The following PDZRN4 variants were observed in gnomAD, a reference collection of about 807,000 sequenced individuals.
The protein encoded by PDZRN4 is PDZ domain-containing RING finger protein 4.
PDZRN4 carries 70 observed loss-of-function variants against 99.0 expected under a neutral mutation model. The ratio of observed to expected loss-of-function variants is 0.71; its 90% CI spans 0.58 to 0.86. The LOEUF is 0.86. Ranked by LOEUF, PDZRN4 falls within the 40% of genes least tolerant of loss-of-function variation. The pLI, the probability that PDZRN4 is intolerant of heterozygous loss-of-function variation, is 0.00. For missense variants in PDZRN4, 1,474 were observed against 1,331.2 expected, an observed-to-expected ratio of 1.11 and a Z score of -1.67; for synonymous variants, 551 against 501.6, an observed-to-expected ratio of 1.10 and a Z score of -1.32.
At chr12:41,513,456 A>T (rs934106794) in intron 5 of PDZRN4, among the ~76,000 whole-genome samples, 1 of 152,076 alleles carries the variant, frequency 6.6e-6, no homozygotes, top group African/African-American at 2.4e-5. Context: ...TGTTCTCTTT[A>T]AAAAATGATG....
At chr12:41,338,918 T>C (rs1372010201) in intron 3 of PDZRN4, among the ~76,000 whole-genome samples, 8 of 151,518 alleles carry the variant, frequency 5.3e-5, no homozygotes, top group Admixed American at 5.3e-4. Context: ...ATGTAAGAAA[T>C]CAAAGAAGGA....
At chr12:41,486,660 T>G (rs1198725478) in intron 3 of PDZRN4, among the ~76,000 whole-genome samples, 1 of 151,850 alleles carries the variant, frequency 6.6e-6, no homozygotes, top group Admixed American at 6.6e-5. Context: ...AATGGGAATG[T>G]GAATGATGAA....
At chr12:41,226,897 A>G (rs1264523757) in intron 3 of PDZRN4, among the ~76,000 whole-genome samples, 1 of 152,140 alleles carries the variant, frequency 6.6e-6, no homozygotes, top group African/African-American at 2.4e-5. Context: ...TTTTTGTGCC[A>G]GTCAAACTGA....
At chr12:41,287,248 G>T (rs1358831213) in intron 3 of PDZRN4, among the ~76,000 whole-genome samples, 1 of 152,192 alleles carries the variant, frequency 6.6e-6, no homozygotes. Flanking sequence ...CCATAGTCAT[G>T]GTTCTGCTAG....
At chr12:41,542,524 A>T (rs986874516) in intron 5 of PDZRN4, among the ~76,000 whole-genome samples, 1 of 152,190 alleles carries the variant, frequency 6.6e-6, no homozygotes, top group African/African-American at 2.4e-5. Context: ...CGCTTCATTC[A>T]GCATCTCTCT....
At chr12:41,285,950 C>T (rs1951419574) in intron 3 of PDZRN4, among the ~76,000 whole-genome samples, 1 of 151,824 alleles carries the variant, frequency 6.6e-6, no homozygotes, top group African/African-American at 2.4e-5. Context: ...TGTATACCTA[C>T]ATAACAAACG....
At chr12:41,246,781 A>G (rs1406112226) in intron 3 of PDZRN4, among the ~76,000 whole-genome samples, 1 of 152,202 alleles carries the variant, frequency 6.6e-6, no homozygotes, top group African/African-American at 2.4e-5. Flanking sequence ...ACCACTAATG[A>G]GTCCTGTTAT....
At chr12:41,334,389 TAAAAA>T (rs59977032) in intron 3 of PDZRN4, among the ~76,000 whole-genome samples, 14 of 143,764 alleles carry the variant, frequency 9.7e-5, no homozygotes, top group Non-Finnish European at 2.0e-4. Context: ...AATGAAAAGT[TAAAAA>T]AAAAAAAAAA....
intron 9 of PDZRN4, 28 bp downstream of exon 9, chr12:41,567,927 T>C (rs766045880): frequency 1.6e-6 from 2 of 1,260,504 alleles, no homozygotes; most frequent in Non-Finnish European, 2.3e-6. Flanking sequence ...AACTACATCA[T>C]TTGATATGTT....
intron 5 of PDZRN4, among the ~76,000 whole-genome samples, chr12:41,520,300 T>C (rs1271540191): frequency 6.6e-6 from 1 of 152,122 alleles, no homozygotes; most frequent in Non-Finnish European, 1.5e-5. Context: ...TATTGTTTTT[T>C]CTTACTTTGG....
At chr12:41,263,326 G>A (rs572191751) in intron 3 of PDZRN4, among the ~76,000 whole-genome samples, 7 of 152,264 alleles carry the variant, frequency 4.6e-5, no homozygotes, top group African/African-American at 1.7e-4. Context: ...GCCGAGGTGG[G>A]CGGATTGCTT....
chr12:41,231,341 T>A (rs1287843154), intron 3 of PDZRN4, among the ~76,000 whole-genome samples: 1 of 152,142 alleles, frequency 6.6e-6, no homozygotes, highest in African/African-American at 2.4e-5. Flanking sequence ...AAAACTCATT[T>A]GTTGGCATTT....
chr12:41,398,190 T>C (rs1952263935), intron 3 of PDZRN4, among the ~76,000 whole-genome samples: 1 of 152,202 alleles, frequency 6.6e-6, no homozygotes, highest in African/African-American at 2.4e-5. Context: ...GCAGACCCCG[T>C]GTCCTCTTAT....
At chr12:41,339,923 T>C (rs758066430) in intron 3 of PDZRN4, among the ~76,000 whole-genome samples, 9 of 151,880 alleles carry the variant, frequency 5.9e-5, no homozygotes, top group Non-Finnish European at 1.3e-4. Context: ...TGGGCAGTAA[T>C]GAATGCTGGT....
chr12:41,297,817 A>C (rs1476339181), intron 3 of PDZRN4, among the ~76,000 whole-genome samples: 1 of 152,180 alleles, frequency 6.6e-6, no homozygotes, highest in Non-Finnish European at 1.5e-5. Flanking sequence ...AACACAAAAA[A>C]TTAACCAAAC....
chr12:41,438,085 C>G, intron 3 of PDZRN4: 2 of 1,528,034 alleles, frequency 1.3e-6, no homozygotes, highest in Non-Finnish European at 1.8e-6. Flanking sequence ...TAAATGAATT[C>G]TGGCTAGCTT....
chr12:41,368,760 C>G (rs944626650), intron 3 of PDZRN4, among the ~76,000 whole-genome samples: 1 of 152,068 alleles, frequency 6.6e-6, no homozygotes, highest in African/African-American at 2.4e-5. Context: ...TGTATCGCTT[C>G]CATTAAGGTG....
intron 3 of PDZRN4, among the ~76,000 whole-genome samples, chr12:41,201,253 G>A (rs772257318): frequency 5.3e-5 from 8 of 149,612 alleles, no homozygotes; most frequent in Non-Finnish European, 8.9e-5. Context: ...GTTGTTTTCT[G>A]TCTAACTGGT....
rs183663365 is a variant in PDZRN4 at position 41,378,162 on chromosome 12, T to G, written c.844-128294T>G. On this transcript the variant is annotated intron_variant, in intron 3 of 9. Coordinates refer to ENST00000402685, the MANE Select transcript of PDZRN4 (RefSeq NM_001164595.2). Reference sequence around the variant, plus strand: ...TGATGTACATTCATTCTATACCCAATTTGTTGAAGGTTTTTATCAAGAAAG... The same window carrying G: ...TGATGTACATTCATTCTATACCCAAGTTGTTGAAGGTTTTTATCAAGAAAG... Among the ~76,000 whole-genome samples, 267 of 152,286 alleles carry G rather than the reference T, an allele frequency of 1.8e-3. 2 individuals carry two copies. The highest frequency in any genetic ancestry group is 6.0e-3 in the African/African-American group (248 of 41,558).
Sources: gnomAD v4.1 joint callset for allele counts (sites outside exome capture counted in the v4.1 genomes callset) on GRCh38, gnomAD v4.1.1 for gene constraint, MANE v1.5 for transcripts, NCBI Gene and HGNC (gene_info 2026-07-23, HGNC 2026-07-21) for gene names.